The following STRN3 variants were observed in gnomAD, a reference collection of about 807,000 sequenced individuals.
STRN3 encodes the protein striatin 3, also known as striatin-3.
In STRN3, 29 loss-of-function variants were observed where a neutral mutation model predicts 95.6. That is an observed-to-expected ratio of 0.30 (90% confidence interval 0.23 to 0.41). STRN3 has a LOEUF of 0.41. Ranked by LOEUF, STRN3 falls within the 10% of genes least tolerant of loss-of-function variation. The pLI is 1.00. For missense variants in STRN3, 890 were observed against 972.1 expected, an observed-to-expected ratio of 0.92 and a Z score of 1.12; for synonymous variants, 331 against 357.6, an observed-to-expected ratio of 0.93 and a Z score of 0.84.
At chr14:30,913,332 T>C (rs1896656181) in intron 10 of STRN3, among the ~76,000 whole-genome samples, 192 bp downstream of exon 10, 1 of 151,170 alleles carries the variant, frequency 6.6e-6, no homozygotes, top group Admixed American at 6.6e-5. Flanking sequence ...TCCACCAAAA[T>C]ACCTAAAAAA....
chr14:30,905,728 C>A (rs1369424028), intron 14 of STRN3, among the ~76,000 whole-genome samples, 170 bp from the exon 15 acceptor site: 2 of 152,088 alleles, frequency 1.3e-5, no homozygotes, highest in Admixed American at 1.3e-4. Context: ...TAAGAAATAT[C>A]TTTTCCTCAA....
At chr14:31,011,327 T>C (rs1882958811) in intron 1 of STRN3, among the ~76,000 whole-genome samples, 1 of 152,174 alleles carries the variant, frequency 6.6e-6, no homozygotes, top group African/African-American at 2.4e-5. Flanking sequence ...TAGCAAATAT[T>C]TGGCAGACAT....
intron 1 of STRN3, among the ~76,000 whole-genome samples, chr14:30,998,762 C>T (rs1882314748): frequency 1.6e-3 from 1 of 638 alleles, no homozygotes; most frequent in African/African-American, 2.5e-3. Flanking sequence ...AACAAATAAC[C>T]CTGGGGGGTG....
At chr14:31,023,305 A>G (rs1220094798) in intron 1 of STRN3, among the ~76,000 whole-genome samples, 1 of 152,200 alleles carries the variant, frequency 6.6e-6, no homozygotes, top group Non-Finnish European at 1.5e-5. Flanking sequence ...CTTACTAACA[A>G]TGCTTTACCT....
intron 13 of STRN3, among the ~76,000 whole-genome samples, 196 bp downstream of exon 13, chr14:30,910,845 T>C (rs1896588142): frequency 6.6e-6 from 1 of 152,166 alleles, no homozygotes; most frequent in South Asian, 2.1e-4. Context: ...ACAGAGAAAG[T>C]ATCAATTCAT....
At chr14:31,023,499 T>C (rs914174778) in intron 1 of STRN3, among the ~76,000 whole-genome samples, 2 of 152,226 alleles carry the variant, frequency 1.3e-5, no homozygotes, top group Non-Finnish European at 2.9e-5. Context: ...ATTAAAATTT[T>C]ACATCAATAT....
chr14:30,950,985 G>C (rs769365647), intron 3 of STRN3, 41 bp from the exon 4 acceptor site: 3 of 1,541,992 alleles, frequency 1.9e-6, no homozygotes, highest in East Asian at 2.2e-5. Flanking sequence ...ACTTTATTTC[G>C]ACTCCTGAAA....
rs12101123 is a variant in STRN3 at position 30,953,645 on chromosome 14, T to G, written c.460+1975A>C. Reference sequence around the variant, plus strand: ...TCATAGGGTATGTATATAAATATTTTTTGAGACAGGGTCTCACTTTGTCAT... The same window carrying G: ...TCATAGGGTATGTATATAAATATTTGTTGAGACAGGGTCTCACTTTGTCAT... On this transcript the variant is annotated intron_variant, in intron 3 of 17. Transcript: ENST00000357479. Among the ~76,000 whole-genome samples the G allele has an allele frequency of 3.8e-3, 577 of 152,294 alleles. 2 individuals are homozygous for G. The highest frequency in any genetic ancestry group is 0.013 in the African/African-American group (542 of 41,566).
chr14:30,999,114 C>A (rs969042559), intron 1 of STRN3, among the ~76,000 whole-genome samples: 1 of 152,190 alleles, frequency 6.6e-6, no homozygotes, highest in African/African-American at 2.4e-5. Context: ...AGGCTGGGTG[C>A]CACACTGTAG....
intron 7 of STRN3, among the ~76,000 whole-genome samples, chr14:30,934,196 C>T (rs534252997): frequency 4.1e-4 from 62 of 152,126 alleles, no homozygotes; most frequent in Middle Eastern, 3.4e-3. Context: ...TGGTGGTGCA[C>T]GCCTGTAATC....
chr14:30,920,131 T>TCTAAGA (rs1896844594), intron 8 of STRN3, among the ~76,000 whole-genome samples: 2 of 152,200 alleles, frequency 1.3e-5, no homozygotes, highest in African/African-American at 2.4e-5. Flanking sequence ...TAAGAACTAT[T>TCTAAGA]ACGCATCTAT....
chr14:30,943,051 G>A (rs1009516227), intron 5 of STRN3, among the ~76,000 whole-genome samples: 2 of 152,154 alleles, frequency 1.3e-5, no homozygotes, highest in African/African-American at 2.4e-5. Flanking sequence ...TCTAAAATAT[G>A]AATCTGAAAT....
At chr14:30,997,375 G>A (rs901131521) in intron 1 of STRN3, among the ~76,000 whole-genome samples, 2 of 151,978 alleles carry the variant, frequency 1.3e-5, no homozygotes, top group Admixed American at 1.3e-4. Context: ...CCTCTGTCTG[G>A]CCCCTACACC....
At chr14:30,971,920 C>T (rs747344659) in intron 1 of STRN3, among the ~76,000 whole-genome samples, 2 of 152,084 alleles carry the variant, frequency 1.3e-5, no homozygotes, top group Non-Finnish European at 2.9e-5. Flanking sequence ...TTACTAAAAC[C>T]TCCCTTAACT....
At chr14:31,006,533 T>C (rs1882724828) in intron 1 of STRN3, among the ~76,000 whole-genome samples, 1 of 151,634 alleles carries the variant, frequency 6.6e-6, no homozygotes, top group African/African-American at 2.4e-5. Context: ...CCAACACTAC[T>C]AAAAATATAA....
intron 3 of STRN3, among the ~76,000 whole-genome samples, chr14:30,952,305 T>C (rs570989648): frequency 1.3e-5 from 2 of 152,198 alleles, no homozygotes; most frequent in African/African-American, 2.4e-5. Context: ...TCATACTGAA[T>C]GTTGAAGACT....
chr14:30,986,595 C>G (rs1237893711), intron 1 of STRN3, among the ~76,000 whole-genome samples: 1 of 152,214 alleles, frequency 6.6e-6, no homozygotes, highest in Non-Finnish European at 1.5e-5. Context: ...TCCTTGAAAA[C>G]ACAGGCCACA....
chr14:31,005,807 A>G (rs12897614), intron 1 of STRN3, among the ~76,000 whole-genome samples: 1 of 152,218 alleles, frequency 6.6e-6, no homozygotes, highest in African/African-American at 2.4e-5. Context: ...GAGTTGGATA[A>G]CCAATTATAA....
chr14:30,936,766 G>C, intron 5 of STRN3, 142 bp from the exon 6 acceptor site: 1 of 1,046,712 alleles, frequency 9.6e-7, no homozygotes, highest in South Asian at 2.1e-5. Context: ...TTCAAGAAAA[G>C]AAGTTTGAAA....
Sources: gnomAD v4.1 joint callset for allele counts (sites outside exome capture counted in the v4.1 genomes callset) on GRCh38, gnomAD v4.1.1 for gene constraint, MANE v1.5 for transcripts, NCBI Gene and HGNC (gene_info 2026-07-23, HGNC 2026-07-21) for gene names.